Variants in TNS3 observed in about 807,000 individuals in gnomAD.
TNS3 encodes tensin-3.
TNS3 carries 45 observed loss-of-function variants against 140.9 expected under a neutral mutation model. The observed-to-expected ratio is 0.32, with a 90% CI of 0.25 to 0.41. TNS3 has a LOEUF of 0.41. Ranked by LOEUF, TNS3 falls within the 10% of genes least tolerant of loss-of-function variation. The pLI is 1.00. For missense variants in TNS3, 1,716 were observed against 1,906.7 expected, an observed-to-expected ratio of 0.90 and a Z score of 1.86; for synonymous variants, 815 against 788.4, an observed-to-expected ratio of 1.03 and a Z score of -0.56.
At chr7:47,281,553 C>T (rs979979880) in intron 28 of TNS3, among the ~76,000 whole-genome samples, 4 of 152,246 alleles carry the variant, frequency 2.6e-5, no homozygotes, top group African/African-American at 9.6e-5. Context: ...CAGCCACCTG[C>T]AGCCCCTCTC....
intron 4 of TNS3, among the ~76,000 whole-genome samples, chr7:47,446,153 A>G (rs373624924): frequency 8.2e-4 from 125 of 152,200 alleles, no homozygotes; most frequent in African/African-American, 3.0e-3. Flanking sequence ...TTGCTGTTGC[A>G]CAGGCTGGAG....
At chr7:47,441,328 G>A (rs1795455914) in intron 5 of TNS3, among the ~76,000 whole-genome samples, 1 of 152,080 alleles carries the variant, frequency 6.6e-6, no homozygotes. Context: ...ACAGGCATGC[G>A]CTATCACACC....
In TNS3 at chr7:47,298,270, G is replaced by A. The variant is rs572721748; in HGVS notation, c.3545-1057C>T. 1.6e-4 allele frequency among the ~76,000 whole-genome samples: 25 copies of A among 152,348 alleles called. No homozygotes were observed. In the South Asian group the frequency reaches 4.6e-3, roughly 28 times the overall value. ...TGGGCCCAGCCTGGATGGGGCTGAG[G>A]ACACATTCCCCATGTGCCCGCCAAC... On this transcript the variant is annotated intron_variant, in intron 23 of 30. Transcript: ENST00000311160.
At chr7:47,418,631 T>C (rs1794209873) in intron 10 of TNS3, among the ~76,000 whole-genome samples, 1 of 151,260 alleles carries the variant, frequency 6.6e-6, no homozygotes, top group Non-Finnish European at 1.5e-5. Flanking sequence ...TCCCTGGAGA[T>C]GATGTTTTCC....
At chr7:47,437,230 A>G in intron 7 of TNS3, 33 bp downstream of exon 7, 1 of 1,481,600 alleles carries the variant, frequency 6.7e-7, no homozygotes, top group East Asian at 2.5e-5. Flanking sequence ...TACATTTTAC[A>G]AAATGCAGAA....
intron 3 of TNS3, among the ~76,000 whole-genome samples, chr7:47,484,024 G>A (rs912284894): frequency 4.6e-5 from 7 of 152,176 alleles, no homozygotes; most frequent in Admixed American, 2.6e-4. Flanking sequence ...AGTAGGGGGC[G>A]AGCAGCCCCC....
chr7:47,550,789 G>C (rs993566909), intron 1 of TNS3, among the ~76,000 whole-genome samples: 1 of 152,080 alleles, frequency 6.6e-6, no homozygotes, highest in Admixed American at 6.5e-5. Flanking sequence ...AATGGGATTC[G>C]AATACTATGA....
In TNS3 at chr7:47,529,145, C is replaced by A; in HGVS notation, c.-262G>T. ...CGTGCAGACTCGAGGTTAATTCTTC[C>A]GGCTGAAAAAGTAAAGGAAGAAATT... On this transcript the variant is annotated splice_region_variant and 5_prime_UTR_variant, in exon 2 of 31. Transcript: ENST00000311160. 1 of 1,266,986 alleles carries A rather than the reference C, an allele frequency of 7.9e-7. No individual in the cohort carries two copies. The allele number at this position is 1,266,986 out of a possible 1,614,324, so 78.5% of individuals were successfully genotyped here.
Position 47,437,304 on chromosome 7 carries a change from G to T in TNS3, c.160C>A (p.Leu54Ile). ...KHGDNYLVLN[L>I]SEKRYDLTKL... Reference sequence around the variant, plus strand: ...GTAAGGTCATATCTCTTTTCTGAAAGGTTTAATACCTATAAAAGAGAGGAA... The same window carrying T: ...GTAAGGTCATATCTCTTTTCTGAAATGTTTAATACCTATAAAAGAGAGGAA... Residue 54 changes from leucine to isoleucine, a missense_variant, in exon 7 of 31, where the codon CTT becomes ATT. Coordinates refer to ENST00000311160, the MANE Select transcript of TNS3 (RefSeq NM_022748.12). The T allele has an allele frequency of 6.6e-7, 1 of 1,507,814 alleles. No homozygotes were observed. The highest frequency in any genetic ancestry group is 8.8e-7 in the Non-Finnish European group (1 of 1,131,650). The allele number at this position is 1,507,814 out of a possible 1,614,324, so 93.4% of individuals were successfully genotyped here.
chr7:47,354,468 G>A (rs551307837), intron 17 of TNS3, among the ~76,000 whole-genome samples: 1 of 152,230 alleles, frequency 6.6e-6, no homozygotes, highest in East Asian at 1.9e-4. Context: ...CCCTGGGGTG[G>A]GGCAGGGGGG....
intron 20 of TNS3, among the ~76,000 whole-genome samples, chr7:47,334,964 G>A (rs193093605): frequency 8.6e-4 from 130 of 152,032 alleles, no homozygotes; most frequent in Non-Finnish European, 1.2e-4. Flanking sequence ...CATTTGTTTT[G>A]AAAATATCAT....
intron 13 of TNS3, chr7:47,405,352 A>C: frequency 1.7e-6 from 1 of 601,158 alleles, no homozygotes; most frequent in Non-Finnish European, 3.0e-6. Flanking sequence ...TCAATGCTCC[A>C]CTGGTGGCCC....
At chr7:47,347,723 C>G (rs1211230733) in intron 17 of TNS3, among the ~76,000 whole-genome samples, 1 of 152,150 alleles carries the variant, frequency 6.6e-6, no homozygotes, top group Non-Finnish European at 1.5e-5. Context: ...TCCATCCTCT[C>G]TTCGGTTCCC....
chr7:47,296,910 T>A (rs1049701142), intron 24 of TNS3, among the ~76,000 whole-genome samples, 172 bp downstream of exon 24: 1 of 152,238 alleles, frequency 6.6e-6, no homozygotes, highest in Non-Finnish European at 1.5e-5. Flanking sequence ...CAAATTAATG[T>A]TCTTTCTTAA....
chr7:47,307,274 A>G (rs1400500592), intron 20 of TNS3, among the ~76,000 whole-genome samples: 1 of 152,074 alleles, frequency 6.6e-6, no homozygotes, highest in Non-Finnish European at 1.5e-5. Flanking sequence ...TTTTTCCTCT[A>G]CTTTCACTTA....
At chr7:47,536,564 C>T (rs1409351298) in intron 1 of TNS3, among the ~76,000 whole-genome samples, 1 of 152,198 alleles carries the variant, frequency 6.6e-6, no homozygotes, top group East Asian at 1.9e-4. Flanking sequence ...AGCAGGTCTG[C>T]GCAATGGCCA....
intron 20 of TNS3, among the ~76,000 whole-genome samples, chr7:47,323,391 G>A (rs1378127980): frequency 6.6e-6 from 1 of 152,144 alleles, no homozygotes; most frequent in Non-Finnish European, 1.5e-5. Flanking sequence ...CAGGAATGAA[G>A]GAAAAATAAA....
At position 47,532,146 on chromosome 7, in the gene TNS3, C is replaced by T. The variant is rs144691195; in HGVS notation, c.-264-2999G>A. On this transcript the variant is annotated intron_variant, in intron 1 of 30. Coordinates refer to ENST00000311160, the MANE Select transcript of TNS3 (RefSeq NM_022748.12). ...TGTCTCCTCTCCCGGCCCCCCACCT[C>T]TCATCTCAGAGCGGGATTGGGGACA... Among the ~76,000 whole-genome samples, 74 of 152,284 alleles carry T rather than the reference C, an allele frequency of 4.9e-4. No individual in the cohort carries two copies. The East Asian group carries it at 0.012, about 25-fold the overall frequency.
chr7:47,368,432 A>G lies in TNS3; in HGVS notation c.2214T>C (p.Gly738=), dbSNP rs2255744. 1,196,716 of 1,532,604 alleles carry G rather than the reference A, an allele frequency of 0.78. 472,714 individuals carry two copies. Among genetic ancestry groups the G allele is most frequent in the Non-Finnish European group, 0.82 (928,060 of 1,135,388 alleles). 94.9% of individuals were successfully genotyped at this position (1,532,604 alleles called of 1,614,324 possible). A position where few individuals can be genotyped will look rare whatever the true frequency, so the allele number is the denominator to read the frequency against. Residue 738 remains glycine, a synonymous_variant, in exon 17 of 31, where the codon GGT becomes GGC. Coordinates refer to ENST00000311160, the MANE Select transcript of TNS3 (RefSeq NM_022748.12). ...GCAGCCTGCTGCTTGCCCGGAGCCC[A>G]CCTCCCACGCTGTCTGGAGACACAG... is the stretch of plus-strand genomic sequence containing the variant. ...NGSVSPDSVG[G]GLRASSRLPD... is the part of the protein sequence containing the mutation.
Sources: gnomAD v4.1 joint callset for allele counts (sites outside exome capture counted in the v4.1 genomes callset) on GRCh38, gnomAD v4.1.1 for gene constraint, MANE v1.5 for transcripts, NCBI Gene and HGNC (gene_info 2026-07-23, HGNC 2026-07-21) for gene names.